The following RFX3 variants were observed in gnomAD, a reference collection of about 807,000 sequenced individuals.
RFX3 encodes the protein regulatory factor X3, also known as transcription factor RFX3.
RFX3 carries 14 observed loss-of-function variants against 98.6 expected under a neutral mutation model. The ratio of observed to expected loss-of-function variants is 0.14; its 90% CI spans 0.09 to 0.22. The LOEUF (loss-of-function observed/expected upper bound fraction) is 0.22. Among genes scored for constraint, RFX3 ranks in the 10% least tolerant of loss-of-function variants. RFX3 has a pLI of 1.00. For synonymous variants in RFX3, 383 were observed against 328.4 expected (o/e 1.17, Z -1.80); for missense variants, 639 against 926.9 (o/e 0.69, Z 4.03).
At chr9:3,340,720 G>A (rs1587175127) in intron 3 of RFX3, among the ~76,000 whole-genome samples, 4 of 152,300 alleles carry the variant, frequency 2.6e-5, no homozygotes, top group Non-Finnish European at 1.5e-5. Flanking sequence ...TCTCACACCA[G>A]TTAGAATGGC....
Position 3,346,784 on chromosome 9 carries a change from A to G in RFX3, c.118-20T>C, listed in dbSNP as rs1454227470. ...CTGTACCTGAAAAACAAGTATTAGGACCTTGGTAAGAGGTAGGTATGATAG... is the reference window on the plus strand; with the variant it reads ...CTGTACCTGAAAAACAAGTATTAGGGCCTTGGTAAGAGGTAGGTATGATAG... On this transcript the variant is annotated intron_variant, in intron 2 of 16. Coordinates refer to ENST00000617270, the MANE Select transcript of RFX3 (RefSeq NM_001282116.2). The G allele has an allele frequency of 3.3e-6, 5 of 1,520,354 alleles. No homozygotes were observed. The highest frequency in any genetic ancestry group is 3.7e-6 in the Non-Finnish European group (4 of 1,094,644). 94.2% of individuals were successfully genotyped at this position (1,520,354 alleles called of 1,614,324 possible).
intron 1 of RFX3, among the ~76,000 whole-genome samples, chr9:3,421,850 G>A (rs1038638843): frequency 6.6e-5 from 10 of 152,072 alleles, no homozygotes; most frequent in Admixed American, 2.6e-4. Context: ...GCACCTAAGA[G>A]AGCCTATCAC....
intron 1 of RFX3, among the ~76,000 whole-genome samples, chr9:3,470,309 TTC>T (rs1397443030): frequency 1.3e-5 from 2 of 151,660 alleles, no homozygotes; most frequent in African/African-American, 4.8e-5. Flanking sequence ...TTTTCTTTTT[TTC>T]TTTTTCCTTT....
intron 1 of RFX3, among the ~76,000 whole-genome samples, chr9:3,462,845 A>T (rs1847822712): frequency 6.6e-6 from 1 of 152,118 alleles, no homozygotes; most frequent in Non-Finnish European, 1.5e-5. Flanking sequence ...TATAATGGGA[A>T]TAAAGTTAAC....
chr9:3,254,300 G>C (rs1441291087), intron 14 of RFX3, among the ~76,000 whole-genome samples: 1 of 150,314 alleles, frequency 6.7e-6, no homozygotes, highest in Non-Finnish European at 1.5e-5. Flanking sequence ...ACCACAGGTA[G>C]ACGTAAGGGC....
chr9:3,396,647 G>T (rs1323661557), intron 1 of RFX3, among the ~76,000 whole-genome samples: 3 of 152,100 alleles, frequency 2.0e-5, no homozygotes, highest in Non-Finnish European at 4.4e-5. Context: ...ACTAGTTTAT[G>T]GTCCCATCAA....
intron 2 of RFX3, among the ~76,000 whole-genome samples, chr9:3,392,551 G>A (rs1460572413): frequency 5.3e-5 from 8 of 151,694 alleles, no homozygotes; most frequent in African/African-American, 1.9e-4. Context: ...CAGAGGGGGA[G>A]GTAATCATAA....
intron 1 of RFX3, among the ~76,000 whole-genome samples, chr9:3,433,414 T>C (rs796323408): frequency 2.0e-5 from 3 of 152,200 alleles, no homozygotes. Context: ...ACGATTTTCT[T>C]GGTAGCATTT....
At chr9:3,489,873 C>T (rs1366290716) in intron 1 of RFX3, among the ~76,000 whole-genome samples, 1 of 152,012 alleles carries the variant, frequency 6.6e-6, no homozygotes, top group Admixed American at 6.6e-5. Context: ...CTCTATAAAA[C>T]TCTGTGTGGC....
chr9:3,253,223 G>C lies in RFX3; in HGVS notation c.1814+3768C>G, dbSNP rs192379002. Among the ~76,000 whole-genome samples, 203 of 152,298 alleles carry C rather than the reference G, an allele frequency of 1.3e-3. 1 individual carries two copies. Among genetic ancestry groups the C allele is most frequent in the Non-Finnish European group, 6.2e-4 (42 of 68,026 alleles). ...GCGATAGCCAACCTGCCTCTTCTGA[G>C]TGTTTGAAGATGTATCACACCCTTC... On this transcript the variant is annotated intron_variant, in intron 14 of 16. Coordinates refer to ENST00000617270, the MANE Select transcript of RFX3 (RefSeq NM_001282116.2).
intron 1 of RFX3, among the ~76,000 whole-genome samples, chr9:3,483,164 G>A (rs1055584024): frequency 2.0e-5 from 3 of 152,132 alleles, no homozygotes; most frequent in African/African-American, 7.2e-5. Context: ...GGCTGAGCCT[G>A]AGTATCACCC....
At chr9:3,231,565 C>G (rs777748613) in intron 15 of RFX3, among the ~76,000 whole-genome samples, 1 of 151,876 alleles carries the variant, frequency 6.6e-6, no homozygotes, top group Non-Finnish European at 1.5e-5. Flanking sequence ...GAAAAATGAG[C>G]GCTTAGGAAA....
intron 2 of RFX3, chr9:3,364,484 C>A: frequency 4.1e-6 from 1 of 241,982 alleles, no homozygotes; most frequent in South Asian, 5.5e-5. Flanking sequence ...AAGTGCTTTC[C>A]AACTGTATAG....
chr9:3,470,987 C>A lies in RFX3; in HGVS notation c.-9+54760G>T, dbSNP rs544498491. Among the ~76,000 whole-genome samples, 67 of 152,214 alleles carry A rather than the reference C, an allele frequency of 4.4e-4. No individual in the cohort carries two copies. The South Asian group carries it at 5.4e-3, about 12-fold the overall frequency. On this transcript the variant is annotated intron_variant, in intron 1 of 16. Coordinates refer to ENST00000617270, the MANE Select transcript of RFX3 (RefSeq NM_001282116.2). ...ATCTGTTCAAGATAATAACTCCTAC[C>A]CCATCACTATTTTACAAAAATTTAA...
At chr9:3,311,799 G>A (rs1248016744) in intron 4 of RFX3, among the ~76,000 whole-genome samples, 2 of 152,156 alleles carry the variant, frequency 1.3e-5, no homozygotes, top group East Asian at 1.9e-4. Flanking sequence ...CAGGACAATC[G>A]CTTGAATCTG....
chr9:3,266,529 T>G (rs749472448), intron 11 of RFX3, among the ~76,000 whole-genome samples: 1 of 152,046 alleles, frequency 6.6e-6, no homozygotes, highest in Non-Finnish European at 1.5e-5. Flanking sequence ...CAGATACTTA[T>G]GACGCTTTTT....
intron 1 of RFX3, among the ~76,000 whole-genome samples, chr9:3,504,844 A>ATGT (rs1225012932): frequency 6.6e-5 from 2 of 30,464 alleles, no homozygotes; most frequent in African/African-American, 2.3e-4. Context: ...TATAAAATAT[A>ATGT]TATATTATAT....
At chr9:3,287,991 T>TAA in intron 7 of RFX3, 140 bp downstream of exon 7, 1 of 828,544 alleles carries the variant, frequency 1.2e-6, no homozygotes, top group East Asian at 2.6e-5. Context: ...TTCTAAATCA[T>TAA]ATTTAAGAAC....
At chr9:3,447,142 A>G (rs1846125168) in intron 1 of RFX3, among the ~76,000 whole-genome samples, 1 of 152,134 alleles carries the variant, frequency 6.6e-6, no homozygotes, top group Non-Finnish European at 1.5e-5. Context: ...TTCTTCTAAC[A>G]TGCTGCCTCA....
Sources: gnomAD v4.1 joint callset for allele counts (sites outside exome capture counted in the v4.1 genomes callset) on GRCh38, gnomAD v4.1.1 for gene constraint, MANE v1.5 for transcripts, NCBI Gene and HGNC (gene_info 2026-07-23, HGNC 2026-07-21) for gene names.